The following PRKG1 variants were observed in gnomAD, a reference collection of about 807,000 sequenced individuals.
PRKG1 encodes protein kinase cGMP-dependent 1, also known as cGMP-dependent protein kinase 1.
PRKG1 carries 35 observed loss-of-function variants against 88.1 expected under a neutral mutation model. That is an observed-to-expected ratio of 0.40 (90% confidence interval 0.30 to 0.53). The LOEUF (loss-of-function observed/expected upper bound fraction) is 0.53. Ranked by LOEUF, PRKG1 falls within the 20% of genes least tolerant of loss-of-function variation. The pLI is 0.59. For synonymous variants in PRKG1, 303 were observed against 292.5 expected, an observed-to-expected ratio of 1.04 and a Z score of -0.37; for missense variants, 540 against 839.8, an observed-to-expected ratio of 0.64 and a Z score of 4.41.
intron 7 of PRKG1, among the ~76,000 whole-genome samples, chr10:52,079,238 C>T (rs1038830210): frequency 2.0e-5 from 3 of 152,158 alleles, no homozygotes; most frequent in African/African-American, 7.2e-5. Flanking sequence ...ACCTTTTCCA[C>T]TGTAATTCAG....
chr10:51,686,696 G>A (rs546472009), intron 3 of PRKG1, among the ~76,000 whole-genome samples: 1 of 152,240 alleles, frequency 6.6e-6, no homozygotes, highest in Admixed American at 6.5e-5. Flanking sequence ...GAACACATGT[G>A]AAAAGGGAAG....
At chr10:51,300,214 G>A (rs1410920106) in intron 2 of PRKG1, among the ~76,000 whole-genome samples, 1 of 152,160 alleles carries the variant, frequency 6.6e-6, no homozygotes, top group African/African-American at 2.4e-5. Flanking sequence ...AATTTGAATT[G>A]TGTGTTGGTG....
At chr10:51,225,746 C>G (rs994666466) in intron 2 of PRKG1, among the ~76,000 whole-genome samples, 1 of 151,834 alleles carries the variant, frequency 6.6e-6, no homozygotes, top group Admixed American at 6.6e-5. Flanking sequence ...TTTAAAAAAT[C>G]TCATTGTCAT....
chr10:52,004,697 A>G (rs149007722), intron 5 of PRKG1, among the ~76,000 whole-genome samples: 5 of 152,290 alleles, frequency 3.3e-5, no homozygotes, highest in African/African-American at 1.2e-4. Flanking sequence ...TAGGGGGGAA[A>G]CGTTCATAAT....
At chr10:51,131,678 A>G (rs1335710740) in intron 1 of PRKG1, among the ~76,000 whole-genome samples, 1 of 152,212 alleles carries the variant, frequency 6.6e-6, no homozygotes, top group Non-Finnish European at 1.5e-5. Flanking sequence ...GTGCACAAGC[A>G]TTGCAACATC....
At chr10:51,156,896 T>A (rs1846228906) in intron 2 of PRKG1, among the ~76,000 whole-genome samples, 2 of 151,952 alleles carry the variant, frequency 1.3e-5, no homozygotes, top group Non-Finnish European at 2.9e-5. Flanking sequence ...TAATAATGAA[T>A]GAATAGGCAG....
chr10:51,394,115 A>G (rs1225426643), intron 2 of PRKG1, among the ~76,000 whole-genome samples: 1 of 152,236 alleles, frequency 6.6e-6, no homozygotes, highest in Non-Finnish European at 1.5e-5. Flanking sequence ...ACTTCCTAAC[A>G]AACCACTCCA....
chr10:51,591,829 G>A (rs7070476), intron 3 of PRKG1, among the ~76,000 whole-genome samples: 10,958 of 152,210 alleles, frequency 0.072, 1,294 homozygotes, highest in African/African-American at 0.25. Flanking sequence ...AAGAAGCCCA[G>A]TAATTAAATA....
intron 3 of PRKG1, among the ~76,000 whole-genome samples, chr10:51,683,579 A>G (rs1295074257): frequency 6.6e-6 from 1 of 152,128 alleles, no homozygotes; most frequent in Non-Finnish European, 1.5e-5. Flanking sequence ...TTTTATAAGC[A>G]TAGGGTAATG....
In PRKG1 at chr10:52,054,513, C is replaced by T. The variant is rs1165873275; in HGVS notation, c.792C>T (p.Ile264=). The T allele has an allele frequency of 1.9e-6, 3 of 1,613,648 alleles. No homozygotes were observed. The highest frequency in any genetic ancestry group is 1.7e-6 in the Non-Finnish European group (2 of 1,179,846). The change falls in exon 6 of 18, where the codon ATC becomes ATT. Residue 264 remains isoleucine, a synonymous_variant. Coordinates refer to ENST00000373980, the MANE Select transcript of PRKG1 (RefSeq NM_006258.4). ...ACTATGAAAATGGAGAATATATTAT[C>T]AGGCAAGGTGCAAGAGGGGACACCT... ...ETHYENGEYI[I]RQGARGDTFF...
chr10:51,113,331 GC>G (rs1845024033), intron 1 of PRKG1, among the ~76,000 whole-genome samples: 1 of 152,076 alleles, frequency 6.6e-6, no homozygotes, highest in Non-Finnish European at 1.5e-5. Flanking sequence ...ATATTTTTAT[GC>G]CTTTCTGTTC....
chr10:51,261,902 T>TTTTTTTTTTTG (rs1354970909), intron 2 of PRKG1, among the ~76,000 whole-genome samples: 1 of 149,066 alleles, frequency 6.7e-6, no homozygotes. Flanking sequence ...TTTTTTTTTT[T>TTTTTTTTTTTG]GAGATGGAGT....
intron 3 of PRKG1, among the ~76,000 whole-genome samples, chr10:51,771,470 C>T (rs1838303669): frequency 6.6e-6 from 1 of 152,158 alleles, no homozygotes; most frequent in Non-Finnish European, 1.5e-5. Flanking sequence ...TCATGTTTTA[C>T]TGACTGATTT....
chr10:51,931,843 C>G (rs2133006237), intron 5 of PRKG1, among the ~76,000 whole-genome samples: 1 of 152,078 alleles, frequency 6.6e-6, no homozygotes, highest in East Asian at 1.9e-4. Context: ...ATAATTTTTT[C>G]TTATTCAAGT....
chr10:51,989,947 C>T (rs1031604583), intron 5 of PRKG1, among the ~76,000 whole-genome samples: 1 of 152,060 alleles, frequency 6.6e-6, no homozygotes, highest in Non-Finnish European at 1.5e-5. Context: ...TCAGGTTTTA[C>T]ATTTAAATCT....
At chr10:52,247,436 T>A (rs765003422) in intron 9 of PRKG1, among the ~76,000 whole-genome samples, 1 of 152,144 alleles carries the variant, frequency 6.6e-6, no homozygotes, top group Non-Finnish European at 1.5e-5. Flanking sequence ...GGGTTGCACA[T>A]TTATCTCCTC....
At chr10:51,371,813 A>C (rs1842711756) in intron 2 of PRKG1, among the ~76,000 whole-genome samples, 1 of 152,160 alleles carries the variant, frequency 6.6e-6, no homozygotes, top group Non-Finnish European at 1.5e-5. Flanking sequence ...TAACAGCAAA[A>C]TATACAGCCT....
chr10:51,368,935 G>A (rs761792310), intron 2 of PRKG1, among the ~76,000 whole-genome samples: 9 of 151,990 alleles, frequency 5.9e-5, no homozygotes, highest in Non-Finnish European at 1.0e-4. Context: ...ACGGAGAAAA[G>A]GAATGTACTG....
intron 1 of PRKG1, among the ~76,000 whole-genome samples, chr10:51,040,387 C>T (rs1216413942): frequency 8.3e-5 from 11 of 132,778 alleles, no homozygotes; most frequent in African/African-American, 1.1e-4. Context: ...GGTGCAATCT[C>T]GGCTCACTAC....
Sources: gnomAD v4.1 joint callset for allele counts (sites outside exome capture counted in the v4.1 genomes callset) on GRCh38, gnomAD v4.1.1 for gene constraint, MANE v1.5 for transcripts, NCBI Gene and HGNC (gene_info 2026-07-23, HGNC 2026-07-21) for gene names.